ANKS1B: variants seen among roughly 807,000 people sequenced by gnomAD.
The protein encoded by ANKS1B is ankyrin repeat and sterile alpha motif domain-containing protein 1B.
ANKS1B carries 36 observed loss-of-function variants against 148.3 expected under a neutral mutation model. The observed-to-expected ratio is 0.24, with a 90% CI of 0.19 to 0.32. The LOEUF (loss-of-function observed/expected upper bound fraction) is 0.32, where lower values mean the gene tolerates loss of function less well. ANKS1B is among the 10% of genes least tolerant of loss of function. ANKS1B has a pLI of 1.00. For missense variants in ANKS1B, 1,157 were observed against 1,542.6 expected (o/e 0.75, Z 4.19); for synonymous variants, 542 against 560.8 (o/e 0.97, Z 0.47).
chr12:98,874,183 A>G (rs1266425144), intron 17 of ANKS1B, among the ~76,000 whole-genome samples: 1 of 152,216 alleles, frequency 6.6e-6, no homozygotes. Flanking sequence ...TTTTCAAACA[A>G]TGCAAGTGAC....
intron 18 of ANKS1B, among the ~76,000 whole-genome samples, chr12:98,830,389 C>G (rs925782443): frequency 2.6e-5 from 4 of 152,082 alleles, no homozygotes; most frequent in Admixed American, 6.6e-5. Flanking sequence ...ATTAATTAAA[C>G]CAGTATTCAT....
chr12:99,283,588 A>T (rs2078749602), intron 12 of ANKS1B, among the ~76,000 whole-genome samples: 1 of 152,176 alleles, frequency 6.6e-6, no homozygotes, highest in Admixed American at 6.6e-5. Context: ...TCACCAAATA[A>T]TTTAATTTCA....
Position 98,751,384 on chromosome 12 carries a change from T to G in ANKS1B, c.3718A>C (p.Lys1240Gln), listed in dbSNP as rs1484449191. 6.2e-7 allele frequency: 1 copy of G among 1,613,818 alleles called. No individual in the cohort carries two copies. Among genetic ancestry groups the G allele is most frequent in the South Asian group, 1.1e-5 (1 of 91,058 alleles). ...GACTTGCGAATGCTAACGCGGGGCTTGGGGATGGGTTTGGAGGGTTTGTTT... is the reference window on the plus strand; with the variant it reads ...GACTTGCGAATGCTAACGCGGGGCTGGGGGATGGGTTTGGAGGGTTTGTTT... ...FENKPSKPIPKPRVSIRKSVQ... is the reference protein window; with the variant it reads ...FENKPSKPIPQPRVSIRKSVQ... Residue 1240 changes from lysine (K) to glutamine (Q), a missense_variant, in exon 26 of 27, where the codon AAG becomes CAG. Coordinates refer to ENST00000683438, the MANE Select transcript of ANKS1B (RefSeq NM_001352186.2). The surrounding 1 kb of genome is among the most constrained non-coding windows in gnomAD (Gnocchi z 4.3).
chr12:99,195,323 T>C (rs2081262006), intron 14 of ANKS1B, among the ~76,000 whole-genome samples: 4 of 152,206 alleles, frequency 2.6e-5, no homozygotes, highest in Admixed American at 2.6e-4. Flanking sequence ...AAATCTCTTC[T>C]GAAAATCTAC....
At chr12:99,768,622 T>G (rs1430919628) in intron 8 of ANKS1B, among the ~76,000 whole-genome samples, 3 of 151,848 alleles carry the variant, frequency 2.0e-5, no homozygotes, top group Non-Finnish European at 4.4e-5. Context: ...GGTCGGGAGA[T>G]CGAGACCATC....
At position 99,574,670 on chromosome 12, in the gene ANKS1B, A is replaced by G. The variant is rs558113624; in HGVS notation, c.1273-70029T>C. 1.2e-3 allele frequency among the ~76,000 whole-genome samples: 183 copies of G among 152,150 alleles called. 1 individual carries two copies. The highest frequency in any genetic ancestry group is 1.9e-3 in the Non-Finnish European group (128 of 67,968). On this transcript the variant is annotated intron_variant, in intron 9 of 26. Coordinates refer to ENST00000683438, the MANE Select transcript of ANKS1B (RefSeq NM_001352186.2). ...TGAAGTTCCTCGTATTAAAAAAAAA[A>G]GAAACCCTATAATCATCTTCATAGA...
At chr12:99,374,040 TC>T (rs2093275737) in intron 12 of ANKS1B, among the ~76,000 whole-genome samples, 1 of 152,222 alleles carries the variant, frequency 6.6e-6, no homozygotes, top group Non-Finnish European at 1.5e-5. Flanking sequence ...TGCTGCCAGT[TC>T]CTTACAATTT....
At chr12:99,280,318 T>C (rs151218517) in intron 12 of ANKS1B, among the ~76,000 whole-genome samples, 21 of 152,290 alleles carry the variant, frequency 1.4e-4, no homozygotes, top group African/African-American at 4.8e-4. Flanking sequence ...GGCCTGCCAG[T>C]GCTCACCATA....
At chr12:99,493,038 A>T (rs2096569683) in intron 10 of ANKS1B, among the ~76,000 whole-genome samples, 1 of 152,182 alleles carries the variant, frequency 6.6e-6, no homozygotes. Context: ...TCCTGGCCAG[A>T]TCAATCAAGC....
chr12:99,060,638 A>G lies in ANKS1B; in HGVS notation c.2626-7329T>C, dbSNP rs183264367. Among the ~76,000 whole-genome samples the G allele has an allele frequency of 4.8e-4, 72 of 148,562 alleles. 1 individual carries two copies. The East Asian group carries it at 0.014, about 28-fold the overall frequency. Reference sequence around the variant, plus strand: ...TGGTTATATATATATATACACACATATACATATATACACATCACACACACA... The same window carrying G: ...TGGTTATATATATATATACACACATGTACATATATACACATCACACACACA... On this transcript the variant is annotated intron_variant, in intron 16 of 26. Coordinates refer to ENST00000683438, the MANE Select transcript of ANKS1B (RefSeq NM_001352186.2).
chr12:99,493,015 G>A (rs1438258795), intron 10 of ANKS1B, among the ~76,000 whole-genome samples: 5 of 152,052 alleles, frequency 3.3e-5, no homozygotes, highest in African/African-American at 7.2e-5. Flanking sequence ...CCTATTTCAC[G>A]TAGTATTGGA....
At chr12:99,502,764 TAATA>T (rs1299132206) in intron 10 of ANKS1B, among the ~76,000 whole-genome samples, 2 of 152,198 alleles carry the variant, frequency 1.3e-5, no homozygotes, top group African/African-American at 4.8e-5. Context: ...ATCTGCCACA[TAATA>T]AATGCTCAAT....
intron 17 of ANKS1B, among the ~76,000 whole-genome samples, chr12:98,958,955 G>T (rs1243012357): frequency 6.6e-6 from 1 of 152,084 alleles, no homozygotes; most frequent in Admixed American, 6.5e-5. Flanking sequence ...GATTATAAGT[G>T]CCTTGTTTAA....
Position 99,316,958 on chromosome 12 carries a change from T to C in ANKS1B, c.1757-70094A>G, listed in dbSNP as rs182311019. On this transcript the variant is annotated intron_variant, in intron 12 of 26. Coordinates refer to ENST00000683438, the MANE Select transcript of ANKS1B (RefSeq NM_001352186.2). The stretch of plus-strand genomic sequence containing the variant: ...TCCCCATTTCTTGTTTTTGTCAGGT[T>C]TGTGAAAGATCAGATGGTTGTAGAT... Among the ~76,000 whole-genome samples the C allele has an allele frequency of 1.9e-3, 285 of 152,332 alleles. 2 individuals are homozygous for C. Among genetic ancestry groups the C allele is most frequent in the African/African-American group, 6.6e-3 (274 of 41,578 alleles).
rs192425318 is a variant in ANKS1B, at chr12:99,418,995, A to G, written c.1576-19184T>C. Among the ~76,000 whole-genome samples, 637 of 146,558 alleles carry G rather than the reference A, an allele frequency of 4.3e-3. 3 individuals are homozygous for G. The highest frequency in any genetic ancestry group is 0.016 in the African/African-American group (597 of 37,938). ...AAAATAAACCTCACTTTGTAATTGT[A>G]TATAATTTTAAAAATACATTTCTGA... On this transcript the variant is annotated intron_variant, in intron 11 of 26. Transcript: ENST00000683438.
intron 9 of ANKS1B, among the ~76,000 whole-genome samples, chr12:99,560,569 C>T (rs1397600281): frequency 1.3e-5 from 2 of 152,104 alleles, no homozygotes; most frequent in African/African-American, 2.4e-5. Context: ...ATAAGTCACA[C>T]AACTTTTTTC....
intron 17 of ANKS1B, among the ~76,000 whole-genome samples, chr12:98,911,721 T>C (rs751939599): frequency 6.6e-6 from 1 of 152,202 alleles, no homozygotes; most frequent in Non-Finnish European, 1.5e-5. Flanking sequence ...TTTATTGTCC[T>C]GGCAAAGTAA....
intron 1 of ANKS1B, among the ~76,000 whole-genome samples, chr12:99,900,699 T>C (rs530496458): frequency 6.6e-6 from 1 of 152,250 alleles, no homozygotes; most frequent in African/African-American, 2.4e-5. Flanking sequence ...TCATAATGGA[T>C]ACTTGTCTCA....
intron 12 of ANKS1B, among the ~76,000 whole-genome samples, chr12:99,350,678 T>G (rs999785133): frequency 6.6e-6 from 1 of 152,092 alleles, no homozygotes; most frequent in African/African-American, 2.4e-5. Context: ...CTAAAATGAT[T>G]TAAAGCTTTA....
Sources: gnomAD v4.1 joint callset for allele counts (sites outside exome capture counted in the v4.1 genomes callset) on GRCh38, gnomAD v4.1.1 for gene constraint, Gnocchi (gnomAD v3.1) non-coding constraint, MANE v1.5 for transcripts, NCBI Gene and HGNC (gene_info 2026-07-23, HGNC 2026-07-21) for gene names.